The following BAIAP2L1 variants were observed in gnomAD, a reference collection of about 807,000 sequenced individuals.
BAIAP2L1 encodes the protein BAR/IMD domain-containing adapter protein 2-like 1.
A neutral mutation model predicts 66.3 loss-of-function variants in BAIAP2L1; 35 were observed. That is an observed-to-expected ratio of 0.53 (90% CI 0.40 to 0.70). The LOEUF is 0.70. Among genes scored for constraint, BAIAP2L1 ranks in the 30% least tolerant of loss-of-function variants. The pLI, the probability that BAIAP2L1 is intolerant of heterozygous loss-of-function variation, is 0.00. For missense variants in BAIAP2L1, 622 were observed against 656.9 expected, an observed-to-expected ratio of 0.95 and a Z score of 0.58; for synonymous variants, 269 against 248.7, an observed-to-expected ratio of 1.08 and a Z score of -0.77.
chr7:98,399,490 C>T (rs1803297743), intron 1 of BAIAP2L1, among the ~76,000 whole-genome samples: 1 of 152,146 alleles, frequency 6.6e-6, no homozygotes, highest in Non-Finnish European at 1.5e-5. Context: ...ATCAAAATGA[C>T]TAAACTTCCT....
intron 1 of BAIAP2L1, among the ~76,000 whole-genome samples, chr7:98,390,228 T>C (rs1168162926): frequency 6.6e-6 from 1 of 151,880 alleles, no homozygotes; most frequent in Non-Finnish European, 1.5e-5. Context: ...GGTTAGTAAA[T>C]GTTAAACATG....
At chr7:98,308,630 C>A in intron 9 of BAIAP2L1, 1 of 222,572 alleles carries the variant, frequency 4.5e-6, no homozygotes, top group Non-Finnish European at 9.2e-6. Context: ...CAAACACAGG[C>A]TGATATTTCC....
Position 98,307,677 on chromosome 7 carries a change from G to A in BAIAP2L1, c.1163+12C>T, listed in dbSNP as rs750448116. ...TCTGGTGCCCTGCGGGGACCATCACGCCCAGACTTACGCCTTGGACACGTC... is the reference window on the plus strand; with the variant it reads ...TCTGGTGCCCTGCGGGGACCATCACACCCAGACTTACGCCTTGGACACGTC... On this transcript the variant is annotated intron_variant, in intron 10 of 13. Coordinates refer to ENST00000005260, the MANE Select transcript of BAIAP2L1 (RefSeq NM_018842.5). 1.5e-5 allele frequency: 25 copies of A among 1,613,190 alleles called. No individual in the cohort carries two copies. In the South Asian group the frequency reaches 1.9e-4, roughly 12 times the overall value.
intron 3 of BAIAP2L1, among the ~76,000 whole-genome samples, chr7:98,327,390 A>AAAGC (rs1002808965): frequency 2.7e-5 from 4 of 150,228 alleles, no homozygotes; most frequent in Admixed American, 2.7e-4. Flanking sequence ...ATAAATAAAT[A>AAAGC]AAGCCAGGCG....
chr7:98,359,214 C>T lies in BAIAP2L1; in HGVS notation c.127+3143G>A, dbSNP rs141177359. Among the ~76,000 whole-genome samples, 714 of 152,068 alleles carry T rather than the reference C, an allele frequency of 4.7e-3. 11 individuals carry two copies. The highest frequency in any genetic ancestry group is 0.016 in the African/African-American group (666 of 41,460). The stretch of plus-strand genomic sequence containing the variant: ...CAGTGATCTGACCCTATCCCGCCCA[C>T]GCCCCAGCAGTGTGCCACCCATGCC... On this transcript the variant is annotated intron_variant, in intron 2 of 13. Transcript: ENST00000005260.
chr7:98,293,938 C>T (rs1800074422), intron 13 of BAIAP2L1, 136 bp downstream of exon 13: 2 of 1,011,198 alleles, frequency 2.0e-6, no homozygotes, highest in South Asian at 1.5e-5. Context: ...CAGGGGGCTG[C>T]ACTCCCCCAT....
chr7:98,306,561 T>A, intron 10 of BAIAP2L1, 45 bp from the exon 11 acceptor site: 1 of 1,613,924 alleles, frequency 6.2e-7, no homozygotes, highest in East Asian at 2.2e-5. Context: ...AGTAGACATG[T>A]GGACGGCAAC....
In BAIAP2L1 at chr7:98,310,583, C is replaced by A; in HGVS notation, c.817G>T (p.Asp273Tyr). 6.4e-7 allele frequency: 1 copy of A among 1,566,610 alleles called. No homozygotes were observed. The highest frequency in any genetic ancestry group is 8.6e-7 in the Non-Finnish European group (1 of 1,164,592). ...MIERSNVVRK[D>Y]YDTLSKCSPK... Reference sequence around the variant, plus strand: ...GAGCATTTAGAAAGGGTGTCGTAATCTTTCCTAACCTGTGAAAAATTCTTT... The same window carrying A: ...GAGCATTTAGAAAGGGTGTCGTAATATTTCCTAACCTGTGAAAAATTCTTT... Residue 273 changes from aspartate (D) to tyrosine (Y), a missense_variant, in exon 9 of 14, where the codon GAT becomes TAT. Transcript: ENST00000005260.
intron 12 of BAIAP2L1, among the ~76,000 whole-genome samples, chr7:98,302,350 G>A (rs2116829576): frequency 6.6e-6 from 1 of 152,332 alleles, no homozygotes; most frequent in East Asian, 1.9e-4. Context: ...TGCCAGAGCT[G>A]TGATTTTTGG....
chr7:98,357,565 CAA>C (rs10648487), intron 2 of BAIAP2L1, among the ~76,000 whole-genome samples: 1 of 104,346 alleles, frequency 9.6e-6, no homozygotes. Flanking sequence ...GACTCAGTCT[CAA>C]AAAAAAAAAA....
At chr7:98,339,432 G>C (rs568636003) in intron 3 of BAIAP2L1, among the ~76,000 whole-genome samples, 1 of 152,124 alleles carries the variant, frequency 6.6e-6, no homozygotes, top group East Asian at 1.9e-4. Context: ...TAAGTCACTC[G>C]GAAGAGGAAA....
intron 3 of BAIAP2L1, among the ~76,000 whole-genome samples, chr7:98,335,152 CAAAAAAAAAAA>C (rs59557441): frequency 5.5e-5 from 3 of 54,704 alleles, no homozygotes; most frequent in Non-Finnish European, 1.1e-4. Flanking sequence ...GACTCCATCT[CAAAAAAAAAAA>C]AAAAAAAAAA....
chr7:98,349,161 G>A (rs1801943074), intron 3 of BAIAP2L1, among the ~76,000 whole-genome samples: 1 of 152,196 alleles, frequency 6.6e-6, no homozygotes, highest in Non-Finnish European at 1.5e-5. Context: ...TTAGGCCCAT[G>A]TAGAAAAAGG....
At chr7:98,308,385 A>G in intron 9 of BAIAP2L1, 1 of 426,468 alleles carries the variant, frequency 2.3e-6, no homozygotes, top group Non-Finnish European at 4.7e-6. Context: ...CCCCAGGCCT[A>G]AGAAGGACAA....
intron 3 of BAIAP2L1, among the ~76,000 whole-genome samples, chr7:98,337,451 G>C (rs549936844): frequency 3.9e-5 from 6 of 152,310 alleles, no homozygotes; most frequent in African/African-American, 1.4e-4. Context: ...CAATGGTCTT[G>C]AACTCCTGAT....
At chr7:98,392,635 G>C (rs943378318) in intron 1 of BAIAP2L1, among the ~76,000 whole-genome samples, 2 of 152,074 alleles carry the variant, frequency 1.3e-5, no homozygotes, top group African/African-American at 4.8e-5. Context: ...AACCACAGGG[G>C]CTGATCAATA....
chr7:98,323,213 G>A (rs911994523), intron 3 of BAIAP2L1: 1 of 152,108 alleles, frequency 6.6e-6, no homozygotes, highest in African/African-American at 2.4e-5. Context: ...ACAGCCAAGA[G>A]CATAATTCCA....
chr7:98,349,613 C>T (rs1391323875), intron 3 of BAIAP2L1, among the ~76,000 whole-genome samples: 1 of 152,094 alleles, frequency 6.6e-6, no homozygotes, highest in African/African-American at 2.4e-5. Context: ...TGGTTCACAC[C>T]TGTAATCCCA....
chr7:98,389,915 T>C (rs1192612194), intron 1 of BAIAP2L1, among the ~76,000 whole-genome samples: 2 of 138,374 alleles, frequency 1.4e-5, no homozygotes, highest in Admixed American at 7.6e-5. Flanking sequence ...CTTGGGTTAG[T>C]AAATTTTTTT....
Sources: allele counts gnomAD v4.1 joint callset (sites outside exome capture counted in the v4.1 genomes callset), GRCh38; gene constraint gnomAD v4.1.1; transcripts MANE v1.5; gene names NCBI Gene and HGNC (gene_info 2026-07-23, HGNC 2026-07-21).